Variants in SHANK2 observed in about 807,000 individuals in gnomAD.
The protein encoded by SHANK2 is SH3 and multiple ankyrin repeat domains 2.
In SHANK2, 43 loss-of-function variants were observed where a neutral mutation model predicts 133.7. The observed-to-expected ratio is 0.32, with a 90% CI of 0.25 to 0.41. SHANK2 has a LOEUF of 0.41. Ranked by LOEUF, SHANK2 falls within the 10% of genes least tolerant of loss-of-function variation. The probability of loss-of-function intolerance (pLI) is 1.00; values close to 1 mark genes in which losing one functional copy is unlikely to be tolerated. For missense variants in SHANK2, 1,994 were observed against 2,235.8 expected (o/e 0.89, Z 2.18); for synonymous variants, 1,017 against 952.8 (o/e 1.07, Z -1.24).
At chr11:70,561,834 C>A (rs758493499) in intron 17 of SHANK2, among the ~76,000 whole-genome samples, 14 of 152,120 alleles carry the variant, frequency 9.2e-5, no homozygotes, top group East Asian at 1.9e-4. Flanking sequence ...CACACTTAGC[C>A]TTACTTTGGT....
chr11:70,600,007 T>G (rs1049624039), intron 17 of SHANK2, among the ~76,000 whole-genome samples: 17 of 150,600 alleles, frequency 1.1e-4, no homozygotes. Flanking sequence ...AAGACAACAT[T>G]GTGAAGGGGT....
intron 10 of SHANK2, among the ~76,000 whole-genome samples, chr11:70,903,904 C>G (rs1405794607): frequency 6.6e-6 from 1 of 152,178 alleles, no homozygotes; most frequent in Non-Finnish European, 1.5e-5. Context: ...AACCCCAAAC[C>G]CTCCTTCTCC....
chr11:71,077,767 G>A (rs1274503363), intron 8 of SHANK2, among the ~76,000 whole-genome samples: 2 of 152,046 alleles, frequency 1.3e-5, no homozygotes, highest in Non-Finnish European at 2.9e-5. Context: ...ACGGCTGCAC[G>A]CAGGGCTCTG....
chr11:71,096,400 A>G (rs1028022960), intron 6 of SHANK2, among the ~76,000 whole-genome samples: 3 of 152,210 alleles, frequency 2.0e-5, no homozygotes, highest in South Asian at 2.1e-4. Context: ...GAAATGGGGC[A>G]GACGCCAGAG....
chr11:71,090,701 C>A (rs369828915), intron 8 of SHANK2, among the ~76,000 whole-genome samples: 3 of 151,776 alleles, frequency 2.0e-5, no homozygotes, highest in Admixed American at 6.6e-5. Context: ...TATGTATATG[C>A]ACGCAGAGAA....
At chr11:70,827,950 ACT>A (rs1948670700) in intron 11 of SHANK2, among the ~76,000 whole-genome samples, 1 of 152,190 alleles carries the variant, frequency 6.6e-6, no homozygotes, top group African/African-American at 2.4e-5. Context: ...CCACAGAATC[ACT>A]GAGTGTACGC....
At chr11:70,797,837 A>ACG (rs1328139928) in intron 14 of SHANK2, among the ~76,000 whole-genome samples, 1 of 148,482 alleles carries the variant, frequency 6.7e-6, no homozygotes, top group Non-Finnish European at 1.5e-5. Flanking sequence ...TCTCATACAC[A>ACG]CACACACACA....
At chr11:70,564,279 G>A (rs2059942047) in intron 17 of SHANK2, among the ~76,000 whole-genome samples, 1 of 148,906 alleles carries the variant, frequency 6.7e-6, no homozygotes, top group Middle Eastern at 3.2e-3. Flanking sequence ...TTTTTTTTGA[G>A]ATGGAGTCTC....
chr11:70,879,481 G>A (rs1190575170), intron 11 of SHANK2, among the ~76,000 whole-genome samples: 1 of 152,200 alleles, frequency 6.6e-6, no homozygotes, highest in Non-Finnish European at 1.5e-5. Flanking sequence ...TGTTATCTGT[G>A]GTGGCTTCTG....
chr11:70,633,580 G>A (rs2061030322), intron 17 of SHANK2: 1 of 152,186 alleles, frequency 6.6e-6, no homozygotes, highest in Admixed American at 6.5e-5. Flanking sequence ...AAAGTTCTTC[G>A]AGATGGAAGA....
At position 70,909,522 on chromosome 11, in the gene SHANK2, C is replaced by T. The variant is rs143554775; in HGVS notation, c.1108-12955G>A. ...ATACAGTCTCTAAATTCCACCCTCACGGCATGCCTTGAGGAAGTAGAGCTG... is the reference window on the plus strand; with the variant it reads ...ATACAGTCTCTAAATTCCACCCTCATGGCATGCCTTGAGGAAGTAGAGCTG... On this transcript the variant is annotated intron_variant, in intron 10 of 25. Transcript: ENST00000601538. Among the ~76,000 whole-genome samples, 337 of 152,284 alleles carry T rather than the reference C, an allele frequency of 2.2e-3. 2 individuals are homozygous for T. In the Middle Eastern group the frequency reaches 0.024, roughly 11 times the overall value.
intron 2 of SHANK2, among the ~76,000 whole-genome samples, chr11:71,207,133 A>G (rs1954142282): frequency 1.6e-5 from 1 of 64,150 alleles, no homozygotes; most frequent in Admixed American, 1.8e-4. Flanking sequence ...GGAAGGAAAG[A>G]AAAAAAAATA....
chr11:71,240,600 A>T (rs1216746193), intron 1 of SHANK2, among the ~76,000 whole-genome samples: 8 of 152,204 alleles, frequency 5.3e-5, no homozygotes, highest in African/African-American at 1.9e-4. Context: ...TTGGAGTCAC[A>T]AATGTAATTT....
chr11:70,673,285 T>C (rs369307592), intron 15 of SHANK2, among the ~76,000 whole-genome samples: 3 of 143,718 alleles, frequency 2.1e-5, no homozygotes, highest in South Asian at 2.1e-4. Flanking sequence ...CTGAACTGAA[T>C]GTTCTTTAAA....
intron 17 of SHANK2, among the ~76,000 whole-genome samples, chr11:70,625,089 G>C (rs1162036170): frequency 6.6e-6 from 1 of 152,196 alleles, no homozygotes; most frequent in Non-Finnish European, 1.5e-5. Flanking sequence ...TATGCTCACA[G>C]TTATGGTTTA....
At chr11:70,525,781 C>T (rs990690091) in intron 17 of SHANK2, among the ~76,000 whole-genome samples, 1 of 152,084 alleles carries the variant, frequency 6.6e-6, no homozygotes, top group Admixed American at 6.5e-5. Context: ...GCTAACCCCC[C>T]TCCTAGCCCC....
At chr11:71,200,458 A>T (rs1953996430) in intron 2 of SHANK2, among the ~76,000 whole-genome samples, 4 of 151,916 alleles carry the variant, frequency 2.6e-5, no homozygotes, top group Admixed American at 2.6e-4. Flanking sequence ...CTATGATTCC[A>T]TTTCTCTTGG....
intron 15 of SHANK2, among the ~76,000 whole-genome samples, chr11:70,694,101 C>T (rs895909914): frequency 2.6e-5 from 4 of 152,152 alleles, no homozygotes; most frequent in Non-Finnish European, 4.4e-5. Context: ...ATTTGGTTAA[C>T]GAGGAGTGGG....
intron 10 of SHANK2, among the ~76,000 whole-genome samples, chr11:70,938,832 C>T (rs77384681): frequency 0.013 from 1,934 of 152,152 alleles, 40 homozygotes; most frequent in African/African-American, 0.043. Context: ...GCAGTGAGCA[C>T]GGCAGAGAAG....
Sources: gnomAD v4.1 joint callset for allele counts (sites outside exome capture counted in the v4.1 genomes callset) on GRCh38, gnomAD v4.1.1 for gene constraint, MANE v1.5 for transcripts, NCBI Gene and HGNC (gene_info 2026-07-23, HGNC 2026-07-21) for gene names.